DST: variants seen among roughly 807,000 people sequenced by gnomAD.
The protein encoded by DST is dystonin.
A neutral mutation model predicts 875.2 loss-of-function variants in DST; 253 were observed. The ratio of observed to expected loss-of-function variants is 0.29; its 90% CI spans 0.26 to 0.32. The LOEUF (loss-of-function observed/expected upper bound fraction) is 0.32, where lower values mean the gene tolerates loss of function less well. Ranked by LOEUF, DST falls within the 10% of genes least tolerant of loss-of-function variation. The pLI is 1.00. For synonymous variants in DST, 3,124 were observed against 3,197.1 expected (o/e 0.98, Z 0.77); for missense variants, 8,287 against 9,111.6 (o/e 0.91, Z 3.68).
intron 4 of DST, among the ~76,000 whole-genome samples, chr6:56,774,547 C>T (rs149314845): frequency 1.9e-3 from 290 of 152,234 alleles, no homozygotes; most frequent in African/African-American, 6.5e-3. Context: ...TTTCTTTGAA[C>T]CTGGTATGTT....
chr6:56,560,151 CTT>C, intron 58 of DST, 141 bp downstream of exon 58: 3 of 817,562 alleles, frequency 3.7e-6, no homozygotes, highest in Non-Finnish European at 5.4e-6. Flanking sequence ...TGAAATGACA[CTT>C]TATGCAAAAA....
intron 90 of DST, 89 bp downstream of exon 90, chr6:56,481,961 T>C (rs2095416147): frequency 1.4e-6 from 2 of 1,392,634 alleles, no homozygotes; most frequent in African/African-American, 1.4e-5. Context: ...AAGGAAAATA[T>C]TCATGCAGTT....
chr6:56,784,570 C>T (rs1268992072), intron 4 of DST, among the ~76,000 whole-genome samples: 3 of 152,238 alleles, frequency 2.0e-5, no homozygotes, highest in Non-Finnish European at 4.4e-5. Context: ...TGGCTTTCAG[C>T]TCCATCAGCT....
At chr6:56,565,258 C>T (rs1402163478) in intron 55 of DST, among the ~76,000 whole-genome samples, 1 of 151,644 alleles carries the variant, frequency 6.6e-6, no homozygotes. Context: ...GTAGCTGGGA[C>T]TACAGGCACC....
At chr6:56,503,253 T>C (rs1209856361) in intron 78 of DST, among the ~76,000 whole-genome samples, 1 of 152,020 alleles carries the variant, frequency 6.6e-6, no homozygotes, top group African/African-American at 2.4e-5. Context: ...AAAAATAATT[T>C]TTGTACAATT....
At chr6:56,474,782 G>C (rs547498735) in intron 92 of DST, among the ~76,000 whole-genome samples, 104 of 151,914 alleles carry the variant, frequency 6.8e-4, no homozygotes, top group African/African-American at 2.4e-3. Flanking sequence ...AGGCAACATA[G>C]TGAAACCCTG....
At position 56,527,865 on chromosome 6, in the gene DST, C is replaced by A. The variant is rs1016474750; in HGVS notation, c.17681-131G>T. ...AGACATTTTTCTAAAGATAATCTTA[C>A]TCAAGAGAAGCCCTTTTCTAAATTT... is the stretch of plus-strand genomic sequence containing the variant. On this transcript the variant is annotated intron_variant, in intron 67 of 103. Coordinates refer to ENST00000680361, the MANE Select transcript of DST (RefSeq NM_001374736.1). 3.2e-6 allele frequency: 3 copies of A among 946,178 alleles called. No individual in the cohort carries two copies. The Admixed American group carries it at 9.9e-5, about 31-fold the overall frequency. 58.6% of individuals were successfully genotyped at this position (946,178 alleles called of 1,614,324 possible). A position where few individuals can be genotyped will look rare whatever the true frequency, so the allele number is the denominator to read the frequency against.
At chr6:56,590,395 T>C (rs1194404992) in intron 49 of DST, among the ~76,000 whole-genome samples, 1 of 152,226 alleles carries the variant, frequency 6.6e-6, no homozygotes, top group African/African-American at 2.4e-5. Flanking sequence ...GTGTTATTTC[T>C]ATTTTATGCA....
intron 4 of DST, among the ~76,000 whole-genome samples, chr6:56,756,208 T>C (rs1336813093): frequency 2.0e-5 from 3 of 152,094 alleles, no homozygotes; most frequent in African/African-American, 7.2e-5. Flanking sequence ...CCCTTGGTTC[T>C]GCTTGGTACA....
chr6:56,795,508 A>G (rs898429414), intron 4 of DST, among the ~76,000 whole-genome samples: 21 of 152,216 alleles, frequency 1.4e-4, no homozygotes, highest in Admixed American at 1.3e-3. Flanking sequence ...ATCATAGCAT[A>G]TCATCAAGAA....
chr6:56,807,133 C>T (rs2099753923), intron 4 of DST, among the ~76,000 whole-genome samples: 2 of 152,184 alleles, frequency 1.3e-5, no homozygotes, highest in Non-Finnish European at 2.9e-5. Flanking sequence ...TCACTGCAAC[C>T]TCCGCTTCCC....
chr6:56,592,317 T>C lies in DST; in HGVS notation c.12768A>G (p.Lys4256=). 2 of 1,607,200 alleles carry C rather than the reference T, an allele frequency of 1.2e-6. No individual in the cohort carries two copies. Among genetic ancestry groups the C allele is most frequent in the South Asian group, 1.1e-5 (1 of 89,730 alleles). Residue 4256 remains lysine (K), a synonymous_variant, in exon 49 of 104, where the codon AAA becomes AAG. Coordinates refer to ENST00000680361, the MANE Select transcript of DST (RefSeq NM_001374736.1). ...LGNNLKDLVD[K]YQHYEDASCG... is the part of the protein sequence containing the mutation. ...ATGAAGCATCTTCATAGTGTTGATA[T>C]TTATCCACCAGATCTTTAAGATTAT...
In DST at chr6:56,597,918, C is replaced by G; in HGVS notation, c.12017G>C (p.Arg4006Thr). Residue 4006 changes from arginine (R) to threonine (T), a missense_variant, in exon 47 of 104, where the codon AGG becomes ACG. Arg to Thr is a moderately conservative substitution (Grantham distance 71). This residue lies in a region of DST where 1,513 missense variants were observed against 1,677.8 expected (regional missense o/e 0.90). Coordinates refer to ENST00000680361, the MANE Select transcript of DST (RefSeq NM_001374736.1). Reference protein sequence around the residue: ...WLSNVDKDSERAGTKHKQVIE... With the variant: ...WLSNVDKDSETAGTKHKQVIE... The stretch of plus-strand genomic sequence containing the variant: ...TACCTGTTTGTGTTTTGTCCCTGCC[C>G]TTTCTGAGTCTTTGTCAACATTTGA... 1 of 1,613,730 alleles carries G rather than the reference C, an allele frequency of 6.2e-7. No homozygotes were observed. The highest frequency in any genetic ancestry group is 8.5e-7 in the Non-Finnish European group (1 of 1,179,752).
intron 69 of DST, among the ~76,000 whole-genome samples, chr6:56,518,383 TA>T (rs946685525): frequency 2.6e-5 from 4 of 151,950 alleles, no homozygotes; most frequent in African/African-American, 9.7e-5. Context: ...GAAAGATTTG[TA>T]AAAAAAATGT....
intron 2 of DST, among the ~76,000 whole-genome samples, chr6:56,949,215 C>T (rs1821145464): frequency 6.6e-6 from 1 of 151,940 alleles, no homozygotes; most frequent in Non-Finnish European, 1.5e-5. Context: ...ATTTAATTGG[C>T]TTGGATGCAT....
intron 34 of DST, among the ~76,000 whole-genome samples, chr6:56,626,324 T>C (rs1265665225): frequency 2.6e-5 from 4 of 152,168 alleles, no homozygotes; most frequent in Admixed American, 2.0e-4. Flanking sequence ...GCTCCATTCA[T>C]GGTAGGTGCT....
At chr6:56,871,041 C>A in intron 3 of DST, 1 of 401,110 alleles carries the variant, frequency 2.5e-6, no homozygotes, top group Non-Finnish European at 4.6e-6. Context: ...ATACAAACAA[C>A]CAAAGAAGAA....
chr6:56,476,176 C>T lies in DST; in HGVS notation c.21837G>A (p.Glu7279=). Residue 7279 remains glutamate (E), a synonymous_variant, in exon 92 of 104, where the codon GAG becomes GAA. Coordinates refer to ENST00000680361, the MANE Select transcript of DST (RefSeq NM_001374736.1). ...GGTGTTCTGCAATGAGTGCTTTCAC[C>T]TCTTCGATCTCCTGGGGGATGACTT... ...DKEVIPQEIE[E]VKALIAEHQT... 1 of 1,611,162 alleles carries T rather than the reference C, an allele frequency of 6.2e-7. No individual in the cohort carries two copies. The highest frequency in any genetic ancestry group is 8.5e-7 in the Non-Finnish European group (1 of 1,178,734).
At chr6:56,462,737 C>T (rs999689645) in intron 102 of DST, among the ~76,000 whole-genome samples, 9 of 152,030 alleles carry the variant, frequency 5.9e-5, no homozygotes, top group African/African-American at 2.2e-4. Context: ...CTGGCTATAA[C>T]CTACTCTATG....
Sources: gnomAD v4.1 joint callset for allele counts (sites outside exome capture counted in the v4.1 genomes callset) on GRCh38, gnomAD v4.1.1 for gene constraint, gnomAD v4.1.1 regional missense constraint, MANE v1.5 for transcripts, NCBI Gene and HGNC (gene_info 2026-07-23, HGNC 2026-07-21) for gene names.